Variants in CFAP54 observed in about 807,000 individuals in gnomAD.
CFAP54 encodes the protein cilia and flagella associated protein 54, also known as cilia- and flagella-associated protein 54.
In CFAP54, 290 loss-of-function variants were observed where a neutral mutation model predicts 370.4. That is an observed-to-expected ratio of 0.78 (90% CI 0.71 to 0.86). CFAP54 has a LOEUF of 0.86. Among genes scored for constraint, CFAP54 ranks in the 40% least tolerant of loss-of-function variants. The probability of loss-of-function intolerance (pLI) is 0.00; values close to 1 mark genes in which losing one functional copy is unlikely to be tolerated. For missense variants in CFAP54, 3,399 were observed against 3,528.7 expected, an observed-to-expected ratio of 0.96 and a Z score of 0.93; for synonymous variants, 1,206 against 1,236.5, an observed-to-expected ratio of 0.98 and a Z score of 0.52.
At chr12:96,571,113 A>C (rs1175556706) in intron 19 of CFAP54, among the ~76,000 whole-genome samples, 1 of 152,182 alleles carries the variant, frequency 6.6e-6, no homozygotes, top group East Asian at 1.9e-4. Flanking sequence ...CATATGTCTT[A>C]GTCACACCCT....
chr12:96,816,990 A>G (rs1435435129), intron 64 of CFAP54, among the ~76,000 whole-genome samples: 1 of 152,036 alleles, frequency 6.6e-6, no homozygotes, highest in Non-Finnish European at 1.5e-5. Context: ...CCCATTCCCG[A>G]CACACATGCA....
chr12:96,737,789 T>C (rs1400097493), intron 50 of CFAP54, among the ~76,000 whole-genome samples: 1 of 151,840 alleles, frequency 6.6e-6, no homozygotes. Flanking sequence ...TGACCAAAAA[T>C]ATAGATCAAT....
rs2136513028 is a variant in CFAP54 at position 96,657,926 on chromosome 12, G to A, written c.5145G>A (p.Gly1715=). The A allele has an allele frequency of 6.2e-7, 1 of 1,613,614 alleles. No homozygotes were observed. Among genetic ancestry groups the A allele is most frequent in the South Asian group, 1.1e-5 (1 of 91,052 alleles). The change falls in exon 37 of 68, where the codon GGG becomes GGA. Residue 1715 remains glycine (G), a synonymous_variant. Transcript: ENST00000524981. Reference sequence around the variant, plus strand: ...AATTCAGTGTTCCAAGCTGTTATGGGAATATTAAAAATGACAACGGTGGTT... The same window carrying A: ...AATTCAGTGTTCCAAGCTGTTATGGAAATATTAAAAATGACAACGGTGGTT... ...KGEFSVPSCY[G]NIKNDNGGSS... is the part of the protein sequence containing the mutation.
At chr12:96,809,241 C>T (rs1430964821) in intron 63 of CFAP54, among the ~76,000 whole-genome samples, 1 of 151,980 alleles carries the variant, frequency 6.6e-6, no homozygotes. Context: ...AGTTCATGGC[C>T]TTTTTTTATT....
chr12:96,738,654 G>A (rs944319122), intron 50 of CFAP54, among the ~76,000 whole-genome samples: 3 of 139,608 alleles, frequency 2.1e-5, no homozygotes, highest in Admixed American at 1.6e-4. Context: ...CTCTGTCGCC[G>A]GGCTGGAGTT....
At chr12:96,750,562 C>A (rs186037849) in intron 55 of CFAP54, among the ~76,000 whole-genome samples, 222 of 152,314 alleles carry the variant, frequency 1.5e-3, no homozygotes, top group African/African-American at 5.1e-3. Context: ...TGAATTCCTT[C>A]CAGCTTGTTG....
chr12:96,600,776 A>G (rs554266279), intron 26 of CFAP54, among the ~76,000 whole-genome samples: 1 of 152,286 alleles, frequency 6.6e-6, no homozygotes, highest in East Asian at 1.9e-4. Context: ...TTAATGGTGT[A>G]TAGGAATGCT....
chr12:96,573,861 C>A (rs780989467), intron 19 of CFAP54, among the ~76,000 whole-genome samples: 1 of 152,164 alleles, frequency 6.6e-6, no homozygotes. Flanking sequence ...CCTTCCCATA[C>A]GAAGGAATGG....
intron 36 of CFAP54, among the ~76,000 whole-genome samples, chr12:96,654,976 A>G (rs951987706): frequency 6.6e-5 from 10 of 152,080 alleles, no homozygotes; most frequent in African/African-American, 2.4e-4. Flanking sequence ...TCTTTGGGGT[A>G]TGAATTGAAA....
chr12:96,811,741 ATTG>A lies in CFAP54; in HGVS notation c.8861_8863del (p.Leu2954del). The A allele has an allele frequency of 1.4e-6, 2 of 1,466,790 alleles. No individual in the cohort carries two copies. Among genetic ancestry groups the A allele is most frequent in the Non-Finnish European group, 1.8e-6 (2 of 1,106,572 alleles). 90.9% of individuals were successfully genotyped at this position (1,466,790 alleles called of 1,614,324 possible). On this transcript the variant is annotated inframe_deletion, in exon 64 of 68. Transcript: ENST00000524981. ...CCCTTTTATTTTTCTTATAGGTTTTATTGTTGTATGCATATAATTTGAAGCCTC... is the reference window on the plus strand; with the variant it reads ...CCCTTTTATTTTTCTTATAGGTTTTATTGTATGCATATAATTTGAAGCCTC...
At chr12:96,630,757 C>T in intron 32 of CFAP54, 106 bp downstream of exon 32, 1 of 543,694 alleles carries the variant, frequency 1.8e-6, no homozygotes. Flanking sequence ...CAGGTGAAAT[C>T]ACTGCCTTCA....
At chr12:96,868,053 A>G (rs994185245) in intron 67 of CFAP54, among the ~76,000 whole-genome samples, 4 of 152,022 alleles carry the variant, frequency 2.6e-5, no homozygotes, top group African/African-American at 9.7e-5. Context: ...TAAAAAAAAG[A>G]CTCATACCTA....
chr12:96,536,641 T>TC (rs1293158411), intron 12 of CFAP54, among the ~76,000 whole-genome samples: 5 of 150,022 alleles, frequency 3.3e-5, no homozygotes, highest in Admixed American at 2.0e-4. Context: ...TTTTTTTTTT[T>TC]TTTGAGACAG....
intron 5 of CFAP54, among the ~76,000 whole-genome samples, chr12:96,517,712 C>CA (rs1955253236): frequency 6.6e-6 from 1 of 152,208 alleles, no homozygotes; most frequent in African/African-American, 2.4e-5. Context: ...ACAGTGTCCA[C>CA]AACCAGGGAC....
intron 17 of CFAP54, among the ~76,000 whole-genome samples, chr12:96,562,544 A>G (rs1955826458): frequency 6.6e-6 from 1 of 150,834 alleles, no homozygotes. Context: ...CTCCTGCCTC[A>G]GCCTCTCAAG....
At position 96,554,801 on chromosome 12, in the gene CFAP54, A is replaced by G. The variant is rs1260985726; in HGVS notation, c.2409A>G (p.Gln803=). 6.5e-7 allele frequency: 1 copy of G among 1,532,780 alleles called. No individual in the cohort carries two copies. The highest frequency in any genetic ancestry group is 1.2e-5 in the South Asian group (1 of 83,520). The allele number at this position is 1,532,780 out of a possible 1,614,324, so 94.9% of individuals were successfully genotyped here. A position where few individuals can be genotyped will look rare whatever the true frequency, so the allele number is the denominator to read the frequency against. ...CTGTTGTGCTTCTGGACAAATTGCA[A>G]GGTAGTAGTCACTAAAGCAAGTAAC... The part of the protein sequence containing the change: ...RIAVVLLDKL[Q]VLQTPTVSKD... The change falls in exon 17 of 68, where the codon CAA becomes CAG. Residue 803 remains glutamine (Q), a splice_region_variant and synonymous_variant. Transcript: ENST00000524981.
chr12:96,698,535 A>G (rs1229882292), intron 45 of CFAP54, among the ~76,000 whole-genome samples: 1 of 152,156 alleles, frequency 6.6e-6, no homozygotes, highest in Non-Finnish European at 1.5e-5. Context: ...ACCTGCATGG[A>G]GCTGAGCTGG....
intron 26 of CFAP54, among the ~76,000 whole-genome samples, chr12:96,601,221 GT>G (rs1476329259): frequency 6.6e-6 from 1 of 152,258 alleles, no homozygotes; most frequent in East Asian, 1.9e-4. Flanking sequence ...TAATCATGTG[GT>G]TTTTGTCCTT....
chr12:96,862,672 A>G (rs1959906943), intron 67 of CFAP54, among the ~76,000 whole-genome samples: 1 of 152,208 alleles, frequency 6.6e-6, no homozygotes, highest in African/African-American at 2.4e-5. Context: ...TTACTCATGA[A>G]TTCAAAGGGA....
Sources: gnomAD v4.1 joint callset for allele counts (sites outside exome capture counted in the v4.1 genomes callset) on GRCh38, gnomAD v4.1.1 for gene constraint, MANE v1.5 for transcripts, NCBI Gene and HGNC (gene_info 2026-07-23, HGNC 2026-07-21) for gene names.